The following MROH7 variants were observed in gnomAD, a reference collection of about 807,000 sequenced individuals.
The protein encoded by MROH7 is maestro heat-like repeat-containing protein family member 7.
A neutral mutation model predicts 129.2 loss-of-function variants in MROH7; 113 were observed. The ratio of observed to expected loss-of-function variants is 0.87; its 90% CI spans 0.75 to 1.02. The LOEUF (loss-of-function observed/expected upper bound fraction) is 1.02, where lower values mean the gene tolerates loss of function less well. MROH7 is among the 50% of genes least tolerant of loss of function. The pLI, the probability that MROH7 is intolerant of heterozygous loss-of-function variation, is 0.00. For synonymous variants in MROH7, 655 were observed against 667.9 expected (o/e 0.98, Z 0.30); for missense variants, 1,601 against 1,671.3 (o/e 0.96, Z 0.73).
intron 3 of MROH7, among the ~76,000 whole-genome samples, chr1:54,655,890 A>G (rs1036738593): frequency 1.4e-5 from 2 of 140,214 alleles, no homozygotes; most frequent in Non-Finnish European, 3.0e-5. Context: ...GATACTTTAT[A>G]GTATTTTTTT....
intron 1 of MROH7, among the ~76,000 whole-genome samples, chr1:54,650,984 CA>C (rs1375826382): frequency 6.6e-6 from 1 of 152,132 alleles, no homozygotes; most frequent in Non-Finnish European, 1.5e-5. Context: ...GTCCGCCTTC[CA>C]AAGTTCTGGG....
chr1:54,698,716 T>TG (rs1645361455), intron 17 of MROH7: 1 of 150,006 alleles, frequency 6.7e-6, no homozygotes, highest in South Asian at 2.1e-4. Context: ...GCTTGGACGA[T>TG]GGGGGGCTGG....
intron 1 of MROH7, among the ~76,000 whole-genome samples, chr1:54,647,835 G>A (rs12093916): frequency 0.058 from 8,658 of 150,144 alleles, 834 homozygotes; most frequent in African/African-American, 0.2. Flanking sequence ...AACCTGGGAG[G>A]TGGAGGTTGC....
intron 4 of MROH7, among the ~76,000 whole-genome samples, chr1:54,668,316 A>G (rs1306624532): frequency 6.6e-6 from 1 of 152,240 alleles, no homozygotes; most frequent in Non-Finnish European, 1.5e-5. Context: ...AGCCATTTTC[A>G]ATATGCCACA....
In MROH7 at chr1:54,687,384, CT is replaced by C. The variant is rs548428959; in HGVS notation, c.2711+939del. 2.0e-3 allele frequency among the ~76,000 whole-genome samples: 307 copies of C among 152,348 alleles called. 2 individuals carry two copies. Among genetic ancestry groups the C allele is most frequent in the African/African-American group, 7.1e-3 (296 of 41,576 alleles). ...GCCACTGCACCCGGCTGAGCTGTCT[CT>C]TTATTTTTAACAGCTGCATAGTATC... On this transcript the variant is annotated intron_variant, in intron 15 of 23. Coordinates refer to ENST00000421030, the MANE Select transcript of MROH7 (RefSeq NM_001039464.4).
chr1:54,704,793 C>CTTTTTTTTTTTTTTTTTT (rs750428757), intron 21 of MROH7, among the ~76,000 whole-genome samples: 1 of 67,826 alleles, frequency 1.5e-5, no homozygotes, highest in African/African-American at 6.5e-5. Flanking sequence ...CAATGTAGCT[C>CTTTTTTTTTTTTTTTTTT]TTTTTTTTTT....
intron 4 of MROH7, chr1:54,665,501 C>T (rs184539073): frequency 1.6e-4 from 57 of 360,964 alleles, no homozygotes; most frequent in Middle Eastern, 8.2e-4. Context: ...GCACCTAGAA[C>T]GGTGCCTGGC....
At chr1:54,699,181 T>TTC (rs1255593453) in intron 17 of MROH7, 5 of 133,376 alleles carry the variant, frequency 3.7e-5, no homozygotes, top group African/African-American at 1.4e-4. Context: ...CTTTCTTTCT[T>TTC]TCTTTCTCTT....
intron 17 of MROH7, chr1:54,697,553 T>C (rs1205526091): frequency 6.6e-6 from 4 of 602,714 alleles, no homozygotes; most frequent in African/African-American, 5.4e-5. Flanking sequence ...CTGACCATGG[T>C]GAGGGAAAGA....
intron 4 of MROH7, chr1:54,665,717 A>G (rs1644803303): frequency 6.3e-6 from 1 of 158,046 alleles, no homozygotes; most frequent in African/African-American, 2.4e-5. Context: ...GGAGATGGCC[A>G]GTGGGGAAGA....
Position 54,653,292 on chromosome 1 carries a change from TC to T in MROH7, c.368del (p.Pro123GlnfsTer7), listed in dbSNP as rs1644587797. 6.2e-7 allele frequency: 1 copy of T among 1,614,186 alleles called. No individual in the cohort carries two copies. Among genetic ancestry groups the T allele is most frequent in the African/African-American group, 1.3e-5 (1 of 75,050 alleles). ...GGCCTGACTCACAGGGGCGCCTCTG[TC>T]CAGCCTCAAACCCCATTCTGAGCCC... ...SRPDSQGRLC[P>X]ASNPILSPSS... On this transcript the variant is annotated frameshift_variant, in exon 3 of 24. Coordinates refer to ENST00000421030, the MANE Select transcript of MROH7 (RefSeq NM_001039464.4). LOFTEE classifies it high-confidence loss of function.
intron 16 of MROH7, among the ~76,000 whole-genome samples, chr1:54,694,437 C>T (rs897939955): frequency 1.3e-5 from 2 of 152,200 alleles, no homozygotes; most frequent in Non-Finnish European, 2.9e-5. Context: ...GTGCCCCGTA[C>T]CCTAAGAGTT....
Position 54,649,987 on chromosome 1 carries a change from G to T in MROH7, c.-109-1962G>T, listed in dbSNP as rs141539919. Reference sequence around the variant, plus strand: ...AAGCTGTGCAGGAACTGCTTGCTTGGAACTTGCTTCCAAGGCAGATGCAGA... The same window carrying T: ...AAGCTGTGCAGGAACTGCTTGCTTGTAACTTGCTTCCAAGGCAGATGCAGA... On this transcript the variant is annotated intron_variant, in intron 1 of 23. Transcript: ENST00000421030. Among the ~76,000 whole-genome samples, 119 of 152,338 alleles carry T rather than the reference G, an allele frequency of 7.8e-4. 1 individual carries two copies. Among genetic ancestry groups the T allele is most frequent in the South Asian group, 3.7e-3 (18 of 4,830 alleles).
At chr1:54,677,281 C>A (rs914383013) in intron 10 of MROH7, among the ~76,000 whole-genome samples, 1 of 152,298 alleles carries the variant, frequency 6.6e-6, no homozygotes, top group South Asian at 2.1e-4. Flanking sequence ...TGCCTATAGT[C>A]CCCACTACTT....
chr1:54,701,511 C>A (rs1282250292), intron 19 of MROH7, among the ~76,000 whole-genome samples, 189 bp downstream of exon 19: 1 of 152,178 alleles, frequency 6.6e-6, no homozygotes, highest in Non-Finnish European at 1.5e-5. Flanking sequence ...CTGGTTCTGA[C>A]AGAGGAAGCT....
At chr1:54,647,603 G>A (rs551388266) in intron 1 of MROH7, among the ~76,000 whole-genome samples, 65 of 152,228 alleles carry the variant, frequency 4.3e-4, no homozygotes, top group African/African-American at 1.4e-3. Context: ...AGCCGGGTGT[G>A]GTGGCATGCA....
intron 22 of MROH7, among the ~76,000 whole-genome samples, chr1:54,707,276 G>C (rs1452818698): frequency 6.6e-6 from 1 of 152,134 alleles, no homozygotes; most frequent in Non-Finnish European, 1.5e-5. Flanking sequence ...CCTTCACCAA[G>C]GGCCAGGAGA....
chr1:54,653,284 C>T lies in MROH7; in HGVS notation c.358C>T (p.Arg120Cys), dbSNP rs373089784. Residue 120 changes from arginine to cysteine, a missense_variant, in exon 3 of 24, where the codon CGC becomes TGC. Transcript: ENST00000421030. ...KDVSRPDSQG[R>C]LCPASNPILS... ...TGTCTCAAGGCCTGACTCACAGGGG[C>T]GCCTCTGTCCAGCCTCAAACCCCAT... 62 of 1,614,132 alleles carry T rather than the reference C, an allele frequency of 3.8e-5. No individual in the cohort carries two copies. Among genetic ancestry groups the T allele is most frequent in the South Asian group, 2.5e-4 (23 of 91,072 alleles).
rs941548756 is a variant in MROH7, at chr1:54,670,884, G to A, written c.1554G>A (p.Val518=). ...CVHSVFSLPS[V]QAMQEKDEAK... ...ACAGCGTGTTCTCCCTGCCCTCCGT[G>A]CAGGCGATGCAGGAGAAGGACGAGG... Residue 518 remains valine (V), a synonymous_variant, in exon 7 of 24, where the codon GTG becomes GTA. Transcript: ENST00000421030. 3 of 1,611,886 alleles carry A rather than the reference G, an allele frequency of 1.9e-6. No homozygotes were observed. Among genetic ancestry groups the A allele is most frequent in the Admixed American group, 1.7e-5 (1 of 59,672 alleles).
Sources: gnomAD v4.1 joint callset for allele counts (sites outside exome capture counted in the v4.1 genomes callset) on GRCh38, gnomAD v4.1.1 for gene constraint, MANE v1.5 for transcripts, NCBI Gene and HGNC (gene_info 2026-07-23, HGNC 2026-07-21) for gene names.